KMT2E: variants seen among roughly 807,000 people sequenced by gnomAD.
The protein encoded by KMT2E is lysine methyltransferase 2E (inactive).
KMT2E carries 30 observed loss-of-function variants against 184.6 expected under a neutral mutation model. That is an observed-to-expected ratio of 0.16 (90% CI 0.12 to 0.22). The LOEUF (loss-of-function observed/expected upper bound fraction) is 0.22, where lower values mean the gene tolerates loss of function less well. Among genes scored for constraint, KMT2E ranks in the 10% least tolerant of loss-of-function variants. The pLI is 1.00. For synonymous variants in KMT2E, 815 were observed against 776.5 expected, an observed-to-expected ratio of 1.05 and a Z score of -0.82; for missense variants, 2,023 against 2,237.4, an observed-to-expected ratio of 0.90 and a Z score of 1.93.
chr7:105,067,555 T>G (rs768676901), intron 6 of KMT2E, among the ~76,000 whole-genome samples: 1 of 152,238 alleles, frequency 6.6e-6, no homozygotes, highest in Non-Finnish European at 1.5e-5. Context: ...TTCTTCTCCC[T>G]TTACATGTTG....
chr7:105,096,839 C>A (rs973667890), intron 15 of KMT2E, among the ~76,000 whole-genome samples: 46 of 152,180 alleles, frequency 3.0e-4, no homozygotes. Context: ...CCACAATTTT[C>A]TCGGCTTTCA....
rs1313131113 is a variant in KMT2E, at chr7:105,112,888, T to G, written c.5132T>G (p.Val1711Gly). The change falls in exon 27 of 27, where the codon GTA (valine) becomes GGA (glycine). Residue 1711 changes from valine (V) to glycine (G), a missense_variant. Val to Gly is a moderately radical substitution (Grantham distance 109, BLOSUM62 -3). This residue lies in a region of KMT2E where 1,108 missense variants were observed against 1,050.9 expected (regional missense o/e 1.05). Transcript: ENST00000311117. ...CTACAAGCACAACACCAGCATGTTG[T>G]AAATTCAGCACCCCCACCACCCCCT... ...QGLQAQHQHV[V>G]NSAPPPPPPP... 6.2e-7 allele frequency: 1 copy of G among 1,609,826 alleles called. No individual in the cohort carries two copies. The highest frequency in any genetic ancestry group is 1.1e-5 in the South Asian group (1 of 90,792).
chr7:105,090,355 A>G, intron 14 of KMT2E, 82 bp downstream of exon 14: 1 of 1,429,410 alleles, frequency 7.0e-7, no homozygotes, highest in Non-Finnish European at 9.5e-7. Flanking sequence ...TGTTCTATGT[A>G]TAATTGTTTA....
At chr7:105,059,513 A>G (rs1477745108) in intron 3 of KMT2E, among the ~76,000 whole-genome samples, 1 of 152,182 alleles carries the variant, frequency 6.6e-6, no homozygotes, top group African/African-American at 2.4e-5. Flanking sequence ...TAGAAATACT[A>G]CCATTTATGC....
chr7:105,091,700 A>G (rs1408487806), intron 15 of KMT2E: 1 of 280,546 alleles, frequency 3.6e-6, no homozygotes, highest in Admixed American at 4.9e-5. Context: ...CTATAGCACC[A>G]AATAAATTGC....
intron 1 of KMT2E, among the ~76,000 whole-genome samples, chr7:105,037,837 T>C (rs187314547): frequency 1.1e-3 from 161 of 148,758 alleles, no homozygotes; most frequent in Non-Finnish European, 1.3e-3. Context: ...TAAATCTGTT[T>C]TTAATATTGT....
chr7:105,092,836 A>AG (rs1446395675), intron 15 of KMT2E, among the ~76,000 whole-genome samples: 1 of 152,094 alleles, frequency 6.6e-6, no homozygotes, highest in Non-Finnish European at 1.5e-5. Context: ...GTCTGGTGGG[A>AG]GGAACCTCTT....
Position 105,112,403 on chromosome 7 carries a change from T to C in KMT2E, c.4647T>C (p.Pro1549=), listed in dbSNP as rs1272690174. ...GCACGGCACCACCCCCTCCACCTCC[T>C]CCACCTCCTTCTTCGTCTTACTATC... The part of the protein sequence containing the change: ...LNSTAPPPPP[P]PPPSSSYYQN... The change falls in exon 27 of 27, where the codon CCT becomes CCC. Residue 1549 remains proline (P), a synonymous_variant. Transcript: ENST00000311117. The C allele has an allele frequency of 1.9e-6, 3 of 1,612,478 alleles. No homozygotes were observed. The South Asian group carries it at 3.3e-5, about 18-fold the overall frequency.
chr7:105,021,892 C>T (rs985598450), intron 1 of KMT2E, among the ~76,000 whole-genome samples: 4 of 152,098 alleles, frequency 2.6e-5, no homozygotes, highest in Non-Finnish European at 1.5e-5. Context: ...TTGGTTTTAA[C>T]TTAAAAATAA....
rs750777432 is a variant in KMT2E, at chr7:105,112,012, C to T, written c.4256C>T (p.Thr1419Ile). ...QALSKNHPPQTHVRNSSEQLS... is the reference protein window; with the variant it reads ...QALSKNHPPQIHVRNSSEQLS... ...CTTTCAAAGAATCATCCTCCTCAGACACACGTTCGTAATTCATCTGAGCAA... is the reference window on the plus strand; with the variant it reads ...CTTTCAAAGAATCATCCTCCTCAGATACACGTTCGTAATTCATCTGAGCAA... Residue 1419 changes from threonine (T) to isoleucine (I), a missense_variant, in exon 27 of 27, where the codon ACA becomes ATA. Coordinates refer to ENST00000311117, the MANE Select transcript of KMT2E (RefSeq NM_182931.3). 5.0e-6 allele frequency: 8 copies of T among 1,614,218 alleles called. No homozygotes were observed. Among genetic ancestry groups the T allele is most frequent in the Non-Finnish European group, 6.8e-6 (8 of 1,180,030 alleles).
intron 1 of KMT2E, among the ~76,000 whole-genome samples, chr7:105,025,493 G>A (rs1434305459): frequency 6.6e-6 from 1 of 152,086 alleles, no homozygotes; most frequent in Non-Finnish European, 1.5e-5. Flanking sequence ...TTTCTAAAAT[G>A]TTTTATGTAG....
At chr7:105,058,455 A>G (rs1217728967) in intron 3 of KMT2E, among the ~76,000 whole-genome samples, 1 of 152,176 alleles carries the variant, frequency 6.6e-6, no homozygotes, top group Non-Finnish European at 1.5e-5. Context: ...TAAGGGTTGC[A>G]GTTTAGTTAT....
At chr7:105,055,663 A>G (rs571626866) in intron 3 of KMT2E, among the ~76,000 whole-genome samples, 2 of 152,338 alleles carry the variant, frequency 1.3e-5, no homozygotes, top group African/African-American at 2.4e-5. Context: ...TCTGTAGATC[A>G]TGCTTAGAGA....
chr7:105,065,699 C>G (rs186532113), intron 5 of KMT2E, among the ~76,000 whole-genome samples: 8 of 152,188 alleles, frequency 5.3e-5, no homozygotes, highest in Non-Finnish European at 7.4e-5. Context: ...CCTTCTGCCC[C>G]CCTCTCTCCC....
At position 105,077,085 on chromosome 7, in the gene KMT2E, G is replaced by A. The variant is rs1797560641; in HGVS notation, c.891G>A (p.Gln297=). The A allele has an allele frequency of 6.2e-7, 1 of 1,613,888 alleles. No homozygotes were observed. The highest frequency in any genetic ancestry group is 1.3e-5 in the African/African-American group (1 of 74,890). The part of the protein sequence containing the change: ...ANNNQYSEGV[Q]REAQRIALRL... ...ACAACCAGTACAGTGAGGGTGTTCA[G>A]AGGGAGGCACAAAGAATAGCTCTGA... Residue 297 remains glutamine (Q), a synonymous_variant, in exon 10 of 27, where the codon CAG becomes CAA. Coordinates refer to ENST00000311117, the MANE Select transcript of KMT2E (RefSeq NM_182931.3).
intron 3 of KMT2E, among the ~76,000 whole-genome samples, chr7:105,051,339 T>C (rs1355951782): frequency 6.6e-6 from 1 of 151,634 alleles, no homozygotes; most frequent in Admixed American, 6.6e-5. Context: ...GCATGCGCCA[T>C]CATGCCCAGC....
chr7:105,038,824 G>A (rs1400978742), intron 2 of KMT2E, among the ~76,000 whole-genome samples: 2 of 151,996 alleles, frequency 1.3e-5, no homozygotes, highest in Non-Finnish European at 2.9e-5. Flanking sequence ...CTCATTATAA[G>A]ATTTTTTATA....
chr7:105,062,125 A>G (rs775466993), intron 3 of KMT2E, 39 bp from the exon 4 acceptor site: 1 of 1,275,514 alleles, frequency 7.8e-7, no homozygotes. Context: ...AGGAAAAAAA[A>G]AGAATGGAAT....
Position 105,014,217 on chromosome 7 carries a change from A to G in KMT2E, c.-507A>G, listed in dbSNP as rs1019988538. 1.0e-5 allele frequency: 2 copies of G among 198,154 alleles called. No individual in the cohort carries two copies. The highest frequency in any genetic ancestry group is 1.9e-5 in the Non-Finnish European group (2 of 102,680). 12.3% of individuals were successfully genotyped at this position (198,154 alleles called of 1,614,324 possible). A position where few individuals can be genotyped will look rare whatever the true frequency, so the allele number is the denominator to read the frequency against. On this transcript the variant is annotated 5_prime_UTR_variant, in exon 1 of 27. Coordinates refer to ENST00000311117, the MANE Select transcript of KMT2E (RefSeq NM_182931.3). ...CCGCCATTTTCCCAGAGCGAGAGGC[A>G]GTGACACTGAGCGGGCGCAGGGGGC...
Sources: allele counts gnomAD v4.1 joint callset (sites outside exome capture counted in the v4.1 genomes callset), GRCh38; gene constraint gnomAD v4.1.1; regional missense constraint gnomAD v4.1.1; transcripts MANE v1.5; gene names NCBI Gene and HGNC (gene_info 2026-07-23, HGNC 2026-07-21).